Variants in VSNL1 observed in about 807,000 individuals in gnomAD.
The protein encoded by VSNL1 is visinin-like protein 1.
VSNL1 carries 6 observed loss-of-function variants against 20.4 expected under a neutral mutation model. The observed-to-expected ratio is 0.29, with a 90% CI of 0.16 to 0.58. VSNL1 has a LOEUF of 0.58. VSNL1 is among the 20% of genes least tolerant of loss of function. The pLI, the probability that VSNL1 is intolerant of heterozygous loss-of-function variation, is 0.90. For missense variants in VSNL1, 100 were observed against 234.5 expected, an observed-to-expected ratio of 0.43 and a Z score of 3.75; for synonymous variants, 93 against 86.4, an observed-to-expected ratio of 1.08 and a Z score of -0.42.
chr2:17,645,307 C>A (rs1482577472), intron 2 of VSNL1, among the ~76,000 whole-genome samples: 1 of 152,274 alleles, frequency 6.6e-6, no homozygotes, highest in Non-Finnish European at 1.5e-5. Flanking sequence ...GTGCCCACCC[C>A]ACCCCCACCC....
intron 2 of VSNL1, among the ~76,000 whole-genome samples, chr2:17,628,493 T>A (rs1180931796): frequency 7.0e-6 from 1 of 142,890 alleles, no homozygotes; most frequent in Non-Finnish European, 1.6e-5. Flanking sequence ...GTGGTTTTTT[T>A]AAGGCCTTAT....
chr2:17,622,337 A>C (rs1665380504), intron 2 of VSNL1, among the ~76,000 whole-genome samples: 1 of 151,750 alleles, frequency 6.6e-6, no homozygotes, highest in Non-Finnish European at 1.5e-5. Context: ...GTCTGTACTA[A>C]AAATACAAAA....
At position 17,647,198 on chromosome 2, in the gene VSNL1, A is replaced by G. The variant is rs189279138; in HGVS notation, c.163-2212A>G. Among the ~76,000 whole-genome samples the G allele has an allele frequency of 3.3e-5, 5 of 152,338 alleles. No individual in the cohort carries two copies. The East Asian group carries it at 9.6e-4, about 29-fold the overall frequency. On this transcript the variant is annotated intron_variant, in intron 2 of 3. Transcript: ENST00000295156. The stretch of plus-strand genomic sequence containing the variant: ...CCAAGGTGCCCAGTTATTTTTAGAT[A>G]AAACTGTCAACTATCCCTTAACCTA...
intron 2 of VSNL1, among the ~76,000 whole-genome samples, chr2:17,632,735 A>G (rs1239804123): frequency 6.6e-6 from 1 of 152,260 alleles, no homozygotes; most frequent in Non-Finnish European, 1.5e-5. Context: ...TTTTCATTAA[A>G]GTGCCTTAAA....
At chr2:17,579,708 T>A (rs1664305444) in intron 1 of VSNL1, among the ~76,000 whole-genome samples, 1 of 152,178 alleles carries the variant, frequency 6.6e-6, no homozygotes, top group Admixed American at 6.5e-5. Context: ...TGTGGTCCAA[T>A]GAACTTATCA....
intron 3 of VSNL1, among the ~76,000 whole-genome samples, chr2:17,654,936 C>T (rs865926693): frequency 3.3e-5 from 5 of 152,196 alleles, no homozygotes; most frequent in East Asian, 3.8e-4. Flanking sequence ...TACAGGAGCA[C>T]GTGCTTCCTA....
chr2:17,625,320 C>T (rs141222636), intron 2 of VSNL1, among the ~76,000 whole-genome samples: 356 of 152,324 alleles, frequency 2.3e-3, no homozygotes, highest in African/African-American at 8.2e-3. Context: ...TCAAAGTACC[C>T]TGGTTACCAT....
intron 3 of VSNL1, among the ~76,000 whole-genome samples, chr2:17,654,022 A>G (rs76120626): frequency 0.014 from 2,086 of 152,304 alleles, 16 homozygotes; most frequent in Non-Finnish European, 0.015. Flanking sequence ...TTTGAGATTT[A>G]TCCATGCTGT....
In VSNL1 at chr2:17,656,787, T is replaced by G. The variant is rs1459421334; in HGVS notation, c.*1393T>G. ...ATCTGCACAGCACGCTAGCTATAAC[T>G]GCACATATGGCTACTGAGCACTTCA... On this transcript the variant is annotated 3_prime_UTR_variant, in exon 4 of 4. Transcript: ENST00000295156. 2 of 152,198 alleles carry G rather than the reference T, an allele frequency of 1.3e-5. No individual in the cohort carries two copies. Among genetic ancestry groups the G allele is most frequent in the Non-Finnish European group, 2.9e-5 (2 of 68,042 alleles). 9.4% of individuals were successfully genotyped at this position (152,198 alleles called of 1,614,324 possible). A position where few individuals can be genotyped will look rare whatever the true frequency, so the allele number is the denominator to read the frequency against.
chr2:17,611,951 G>A (rs1189283779), intron 2 of VSNL1, among the ~76,000 whole-genome samples: 1 of 152,216 alleles, frequency 6.6e-6, no homozygotes, highest in African/African-American at 2.4e-5. Context: ...CTTTCTTTAT[G>A]TTCTCAGATT....
intron 2 of VSNL1, among the ~76,000 whole-genome samples, chr2:17,643,779 G>A (rs1226117678): frequency 6.6e-6 from 1 of 152,190 alleles, no homozygotes; most frequent in Non-Finnish European, 1.5e-5. Context: ...GAAGGAACAG[G>A]GGTTCACTGG....
At chr2:17,569,306 C>CA (rs202086149) in intron 1 of VSNL1, among the ~76,000 whole-genome samples, 393 of 124,864 alleles carry the variant, frequency 3.1e-3, no homozygotes, top group African/African-American at 5.7e-3. Context: ...GACCCTGTCT[C>CA]AAAAAAAAAA....
intron 2 of VSNL1, among the ~76,000 whole-genome samples, chr2:17,605,175 T>C (rs964998064): frequency 7.4e-4 from 112 of 152,342 alleles, no homozygotes; most frequent in Middle Eastern, 3.4e-3. Flanking sequence ...TAAAGGTCAC[T>C]CTAATTATGA....
Position 17,578,096 on chromosome 2 carries a change from T to G in VSNL1, c.-5-13974T>G, listed in dbSNP as rs62132067. On this transcript the variant is annotated intron_variant, in intron 1 of 3. Transcript: ENST00000295156. Reference sequence around the variant, plus strand: ...CTGCTAAAATATCGGTCATATAGATTTATTATTTTATTTAACATTTTGAGG... The same window carrying G: ...CTGCTAAAATATCGGTCATATAGATGTATTATTTTATTTAACATTTTGAGG... Among the ~76,000 whole-genome samples, 197 of 152,352 alleles carry G rather than the reference T, an allele frequency of 1.3e-3. 1 individual carries two copies. Among genetic ancestry groups the G allele is most frequent in the Non-Finnish European group, 2.4e-3 (166 of 68,028 alleles).
At chr2:17,567,324 T>C (rs1663971084) in intron 1 of VSNL1, 1 of 150,640 alleles carries the variant, frequency 6.6e-6, no homozygotes, top group Admixed American at 6.6e-5. Context: ...ATTTTGGTCT[T>C]GATGTAAAGA....
At chr2:17,643,199 C>T (rs1349896667) in intron 2 of VSNL1, among the ~76,000 whole-genome samples, 3 of 152,184 alleles carry the variant, frequency 2.0e-5, no homozygotes, top group Non-Finnish European at 4.4e-5. Context: ...GCATGGAGCC[C>T]AGCACCAGTT....
intron 1 of VSNL1, among the ~76,000 whole-genome samples, chr2:17,561,630 C>T (rs1463767767): frequency 6.6e-6 from 1 of 152,150 alleles, no homozygotes; most frequent in Non-Finnish European, 1.5e-5. Flanking sequence ...TAAGAAGATG[C>T]TAGATGGAAG....
chr2:17,569,273 C>T (rs1664025766), intron 1 of VSNL1, among the ~76,000 whole-genome samples: 1 of 151,108 alleles, frequency 6.6e-6, no homozygotes, highest in Non-Finnish European at 1.5e-5. Context: ...TACAACTGTA[C>T]TCCAGCCTGG....
At chr2:17,611,067 G>A (rs1665072723) in intron 2 of VSNL1, among the ~76,000 whole-genome samples, 1 of 152,164 alleles carries the variant, frequency 6.6e-6, no homozygotes, top group African/African-American at 2.4e-5. Context: ...GGATCCCTTG[G>A]AAACAGTATT....
Sources: allele counts gnomAD v4.1 joint callset (sites outside exome capture counted in the v4.1 genomes callset), GRCh38; gene constraint gnomAD v4.1.1; transcripts MANE v1.5; gene names NCBI Gene and HGNC (gene_info 2026-07-23, HGNC 2026-07-21).